RSPO2: variants seen among roughly 807,000 people sequenced by gnomAD.
RSPO2 encodes R-spondin 2.
Under a neutral mutation model 30.9 loss-of-function variants are expected in RSPO2, and 14 were observed. The observed-to-expected ratio is 0.45, with a 90% CI of 0.30 to 0.71. RSPO2 has a LOEUF of 0.71. RSPO2 is among the 30% of genes least tolerant of loss of function. The probability of loss-of-function intolerance (pLI) is 0.08; values close to 1 mark genes in which losing one functional copy is unlikely to be tolerated. For missense variants in RSPO2, 264 were observed against 301.9 expected (o/e 0.87, Z 0.93); for synonymous variants, 107 against 96.4 (o/e 1.11, Z -0.64).
chr8:108,024,326 A>G (rs952226677), intron 2 of RSPO2, among the ~76,000 whole-genome samples: 4 of 152,152 alleles, frequency 2.6e-5, no homozygotes, highest in Non-Finnish European at 5.9e-5. Flanking sequence ...GTAATTGGAT[A>G]AGTTGTGGTA....
chr8:108,015,300 G>A (rs1409862232), intron 2 of RSPO2, among the ~76,000 whole-genome samples: 3 of 152,152 alleles, frequency 2.0e-5, no homozygotes, highest in Non-Finnish European at 4.4e-5. Context: ...TTATGTAAAT[G>A]TCAATAGTAC....
At chr8:107,927,335 T>C (rs1039714738) in intron 5 of RSPO2, among the ~76,000 whole-genome samples, 5 of 152,344 alleles carry the variant, frequency 3.3e-5, no homozygotes, top group Middle Eastern at 6.8e-3. Context: ...AATCATGTCA[T>C]CTGCAAACAG....
chr8:108,023,844 A>G (rs940623665), intron 2 of RSPO2, among the ~76,000 whole-genome samples: 3 of 152,130 alleles, frequency 2.0e-5, no homozygotes, highest in Non-Finnish European at 4.4e-5. Flanking sequence ...TATGGGGAGG[A>G]GGAAGTGGTG....
At chr8:107,909,813 G>T (rs1016337999) in intron 5 of RSPO2, among the ~76,000 whole-genome samples, 5 of 152,122 alleles carry the variant, frequency 3.3e-5, no homozygotes, top group Non-Finnish European at 2.9e-5. Context: ...TTAGCAAGAT[G>T]CAGGCTATAA....
chr8:108,026,542 A>T (rs576116904), intron 2 of RSPO2, among the ~76,000 whole-genome samples: 20 of 152,286 alleles, frequency 1.3e-4, no homozygotes, highest in South Asian at 6.2e-4. Flanking sequence ...AAATAGAGAA[A>T]TATATAATAT....
At chr8:107,903,359 C>A (rs781022490) in intron 5 of RSPO2, among the ~76,000 whole-genome samples, 1 of 152,038 alleles carries the variant, frequency 6.6e-6, no homozygotes, top group African/African-American at 2.4e-5. Flanking sequence ...AAGAAAGCTT[C>A]GTGTAAATTA....
At chr8:107,982,332 T>C (rs1814471402) in intron 3 of RSPO2, among the ~76,000 whole-genome samples, 1 of 152,184 alleles carries the variant, frequency 6.6e-6, no homozygotes, top group Non-Finnish European at 1.5e-5. Flanking sequence ...ACCTTCCTGG[T>C]ACATGACAAA....
chr8:108,028,604 C>T (rs899630087), intron 2 of RSPO2, among the ~76,000 whole-genome samples: 1 of 152,208 alleles, frequency 6.6e-6, no homozygotes, highest in Non-Finnish European at 1.5e-5. Context: ...CTCTCTCCAT[C>T]CTTCTTAGGA....
chr8:108,048,927 G>C (rs764579412), intron 2 of RSPO2, among the ~76,000 whole-genome samples: 69 of 152,082 alleles, frequency 4.5e-4, no homozygotes, highest in Non-Finnish European at 5.7e-4. Context: ...TCGTTGTTTA[G>C]CCAGTAGTCA....
intron 5 of RSPO2, among the ~76,000 whole-genome samples, chr8:107,911,462 G>C (rs755648265): frequency 9.9e-5 from 15 of 152,252 alleles, no homozygotes; most frequent in African/African-American, 3.4e-4. Flanking sequence ...TTAGAAACTA[G>C]AGATCTTGGA....
intron 2 of RSPO2, chr8:108,073,007 C>T (rs980445535): frequency 1.3e-5 from 2 of 152,090 alleles, no homozygotes; most frequent in Non-Finnish European, 2.9e-5. Flanking sequence ...TTCAAAGTGG[C>T]TGTAGAAGCT....
chr8:107,950,732 A>G (rs1813214063), intron 5 of RSPO2, among the ~76,000 whole-genome samples: 1 of 148,074 alleles, frequency 6.8e-6, no homozygotes. Flanking sequence ...CTGCCTTTAC[A>G]TTTTTAGGTT....
At chr8:107,948,070 C>T (rs1442502119) in intron 5 of RSPO2, among the ~76,000 whole-genome samples, 1 of 152,352 alleles carries the variant, frequency 6.6e-6, no homozygotes, top group African/African-American at 2.4e-5. Flanking sequence ...AAAAACAATA[C>T]CTTTTGTTCT....
chr8:107,989,436 A>T (rs1814773286), intron 2 of RSPO2, 192 bp from the exon 3 acceptor site: 1 of 506,850 alleles, frequency 2.0e-6, no homozygotes. Flanking sequence ...CAAACTTAGA[A>T]ACAAAGAGGA....
intron 2 of RSPO2, among the ~76,000 whole-genome samples, chr8:107,990,763 A>C (rs1036198367): frequency 6.6e-6 from 1 of 152,232 alleles, no homozygotes; most frequent in Non-Finnish European, 1.5e-5. Flanking sequence ...ATAAGCAAAA[A>C]TAACAAAGCT....
chr8:107,938,763 T>A (rs1812796647), intron 5 of RSPO2, among the ~76,000 whole-genome samples: 1 of 152,152 alleles, frequency 6.6e-6, no homozygotes, highest in Non-Finnish European at 1.5e-5. Context: ...TTAGCACATG[T>A]TGGTGCCAAA....
At chr8:107,929,708 C>A (rs1812491754) in intron 5 of RSPO2, among the ~76,000 whole-genome samples, 1 of 152,020 alleles carries the variant, frequency 6.6e-6, no homozygotes, top group South Asian at 2.1e-4. Context: ...TTAGAACTAT[C>A]TAGTATATAT....
At chr8:107,999,774 G>A (rs1203772960) in intron 2 of RSPO2, among the ~76,000 whole-genome samples, 1 of 151,174 alleles carries the variant, frequency 6.6e-6, no homozygotes. Context: ...GAAAGTTAGA[G>A]TCACAGATCT....
At chr8:107,997,398 GCTCT>G (rs1470545879) in intron 2 of RSPO2, 10 of 152,272 alleles carry the variant, frequency 6.6e-5, no homozygotes, top group African/African-American at 2.2e-4. Flanking sequence ...ATGTTTATTT[GCTCT>G]CTGTGAGCTT....
Sources: gnomAD v4.1 joint callset for allele counts (sites outside exome capture counted in the v4.1 genomes callset) on GRCh38, gnomAD v4.1.1 for gene constraint, MANE v1.5 for transcripts, NCBI Gene and HGNC (gene_info 2026-07-23, HGNC 2026-07-21) for gene names.